Variants in FOXP2 observed in about 807,000 individuals in gnomAD.
FOXP2 encodes forkhead box P2.
In FOXP2, 12 loss-of-function variants were observed where a neutral mutation model predicts 115.8. The observed-to-expected ratio is 0.10, with a 90% CI of 0.07 to 0.17. FOXP2 has a LOEUF of 0.17. Among genes scored for constraint, FOXP2 ranks in the 10% least tolerant of loss-of-function variants. The pLI is 1.00. For synonymous variants in FOXP2, 328 were observed against 297.7 expected (o/e 1.10, Z -1.05); for missense variants, 629 against 843.5 (o/e 0.75, Z 3.15).
intron 2 of FOXP2, among the ~76,000 whole-genome samples, chr7:114,310,345 A>C (rs1451560562): frequency 6.6e-6 from 1 of 152,148 alleles, no homozygotes; most frequent in Non-Finnish European, 1.5e-5. Context: ...CTGGCTCTTG[A>C]ATGTACCATT....
intron 1 of FOXP2, among the ~76,000 whole-genome samples, chr7:114,196,346 T>C (rs1240649715): frequency 2.0e-5 from 3 of 152,206 alleles, no homozygotes; most frequent in Admixed American, 6.6e-5. Flanking sequence ...AAATAATATC[T>C]TCTTAGCCTT....
chr7:114,131,435 A>T (rs1791872278), intron 1 of FOXP2, among the ~76,000 whole-genome samples: 1 of 152,130 alleles, frequency 6.6e-6, no homozygotes, highest in Admixed American at 6.5e-5. Flanking sequence ...TACTTCAAAA[A>T]CAATATCTAA....
Position 114,629,930 on chromosome 7 carries a change from ACAG to A in FOXP2, c.528_530del (p.Gln191del). The A allele has an allele frequency of 6.3e-7, 1 of 1,596,660 alleles. No homozygotes were observed. The highest frequency in any genetic ancestry group is 8.5e-7 in the Non-Finnish European group (1 of 1,173,686). On this transcript the variant is annotated inframe_deletion, in exon 5 of 17. Coordinates refer to ENST00000350908, the MANE Select transcript of FOXP2 (RefSeq NM_014491.4). ...AACAGCAGCAGCAACAACAACAACA[ACAG>A]CAGCAACAACAGCAGCAGCAGCAGC...
At chr7:114,458,495 A>T (rs190214044) in intron 2 of FOXP2, among the ~76,000 whole-genome samples, 366 of 145,614 alleles carry the variant, frequency 2.5e-3, no homozygotes, top group Admixed American at 4.2e-3. Flanking sequence ...TTTTAATCAT[A>T]TTTCAGTATT....
intron 2 of FOXP2, among the ~76,000 whole-genome samples, chr7:114,471,963 A>G (rs538029992): frequency 8.4e-6 from 1 of 119,254 alleles, no homozygotes; most frequent in Non-Finnish European, 1.9e-5. Context: ...CCATCTCAGG[A>G]AAAAAAAAAA....
chr7:114,658,374 AT>A, intron 11 of FOXP2, 107 bp downstream of exon 11: 1 of 1,111,218 alleles, frequency 9.0e-7, no homozygotes, highest in Non-Finnish European at 1.3e-6. Flanking sequence ...TCATGTCATG[AT>A]TTATGGAGTG....
At chr7:114,419,946 AG>A (rs1584712836) in intron 1 of FOXP2, 1 of 151,942 alleles carries the variant, frequency 6.6e-6, no homozygotes, top group African/African-American at 2.4e-5. Context: ...TGGGAAGGCA[AG>A]AGGTGGGTCT....
At chr7:114,117,768 A>C (rs1206863908) in intron 1 of FOXP2, among the ~76,000 whole-genome samples, 1 of 152,144 alleles carries the variant, frequency 6.6e-6, no homozygotes, top group East Asian at 1.9e-4. Context: ...GCTTATAAAC[A>C]ACAAAAATGT....
In FOXP2 at chr7:114,532,801, T is replaced by C. The variant is rs141696590; in HGVS notation, c.169-1816T>C. Among the ~76,000 whole-genome samples the C allele has an allele frequency of 4.6e-3, 705 of 151,958 alleles. 4 individuals are homozygous for C. Among genetic ancestry groups the C allele is most frequent in the African/African-American group, 0.015 (605 of 41,516 alleles). ...TACATGAAAACAATTAGGCATTAAC[T>C]GGAAAAATAATCAAATGCATTTTTT... On this transcript the variant is annotated intron_variant, in intron 2 of 16. Transcript: ENST00000350908.
At chr7:114,089,176 G>A (rs1799493307) in intron 1 of FOXP2, among the ~76,000 whole-genome samples, 3 of 152,030 alleles carry the variant, frequency 2.0e-5, no homozygotes, top group South Asian at 4.1e-4. Context: ...CTAAAATTAA[G>A]TGAAATAAAT....
chr7:114,547,915 A>C (rs939071363), intron 3 of FOXP2, among the ~76,000 whole-genome samples: 1 of 152,196 alleles, frequency 6.6e-6, no homozygotes, highest in Middle Eastern at 3.2e-3. Context: ...TTTCCACTAA[A>C]ATATTATCTA....
chr7:114,175,165 A>G (rs946718839), intron 1 of FOXP2, among the ~76,000 whole-genome samples: 1 of 151,952 alleles, frequency 6.6e-6, no homozygotes, highest in Non-Finnish European at 1.5e-5. Context: ...TTTTCTCTAT[A>G]TTTCTTCTGG....
At chr7:114,438,129 C>T (rs534846619) in intron 2 of FOXP2, among the ~76,000 whole-genome samples, 2 of 152,128 alleles carry the variant, frequency 1.3e-5, no homozygotes, top group South Asian at 4.2e-4. Context: ...ACATGGATCA[C>T]ATTTTATTTC....
At chr7:114,208,082 C>T (rs1372507362) in intron 1 of FOXP2, among the ~76,000 whole-genome samples, 2 of 152,172 alleles carry the variant, frequency 1.3e-5, no homozygotes, top group Non-Finnish European at 2.9e-5. Context: ...TCCACTGACA[C>T]CTTTCACTGT....
intron 1 of FOXP2, among the ~76,000 whole-genome samples, chr7:114,286,909 G>A (rs952649880): frequency 6.6e-6 from 1 of 151,962 alleles, no homozygotes; most frequent in Non-Finnish European, 1.5e-5. Flanking sequence ...TGCAAGAAAG[G>A]GTTCTTTAGC....
chr7:114,233,476 A>C (rs1007154065), intron 1 of FOXP2, among the ~76,000 whole-genome samples: 1 of 152,240 alleles, frequency 6.6e-6, no homozygotes, highest in African/African-American at 2.4e-5. Context: ...GTTTGACATC[A>C]TTGATCAAGA....
At position 114,689,955 on chromosome 7, in the gene FOXP2, G is replaced by T; in HGVS notation, c.*29G>T. 1 of 1,611,448 alleles carries T rather than the reference G, an allele frequency of 6.2e-7. No individual in the cohort carries two copies. Among genetic ancestry groups the T allele is most frequent in the South Asian group, 1.1e-5 (1 of 91,020 alleles). On this transcript the variant is annotated 3_prime_UTR_variant, in exon 17 of 17. Transcript: ENST00000350908. ...CTGACTTGTGAAACCTCAGCGTGAA[G>T]GGACATATCACTGACCTTCATAACC...
intron 2 of FOXP2, among the ~76,000 whole-genome samples, chr7:114,495,860 T>G (rs1584808340): frequency 6.6e-6 from 1 of 152,318 alleles, no homozygotes; most frequent in African/African-American, 2.4e-5. Context: ...TACTCAGTTA[T>G]GTGGGACTTG....
rs186159147 is a variant in FOXP2, at chr7:114,227,924, T to C, written c.-101-60095T>C. 9.9e-5 allele frequency among the ~76,000 whole-genome samples: 15 copies of C among 152,134 alleles called. No individual in the cohort carries two copies. In the East Asian group the frequency reaches 2.3e-3, roughly 24 times the overall value. ...GGTAATTTACATGATCCTCACGCTA[T>C]ATGTAATATCACAGCAAACCAATGG... On this transcript the variant is annotated intron_variant, in intron 1 of 17. Coordinates refer to the FOXP2 transcript ENST00000634411.
Sources: gnomAD v4.1 joint callset for allele counts (sites outside exome capture counted in the v4.1 genomes callset) on GRCh38, gnomAD v4.1.1 for gene constraint, MANE v1.5 for transcripts, NCBI Gene and HGNC (gene_info 2026-07-23, HGNC 2026-07-21) for gene names.